TF: variants seen among roughly 807,000 people sequenced by gnomAD.
TF encodes the protein transferrin.
A neutral mutation model predicts 82.4 loss-of-function variants in TF; 55 were observed. The observed-to-expected ratio is 0.67, with a 90% CI of 0.54 to 0.84. TF has a LOEUF of 0.84. Ranked by LOEUF, TF falls within the 40% of genes least tolerant of loss-of-function variation. The probability of loss-of-function intolerance (pLI) is 0.00; values close to 1 mark genes in which losing one functional copy is unlikely to be tolerated. For synonymous variants in TF, 332 were observed against 332.6 expected, an observed-to-expected ratio of 1.00 and a Z score of 0.02; for missense variants, 737 against 868.4, an observed-to-expected ratio of 0.85 and a Z score of 1.90.
At chr3:133,739,242 T>C in the TF span, among the ~76,000 whole-genome samples, 2 of 152,176 alleles carry the variant, frequency 1.3e-5, no homozygotes, top group African/African-American at 4.8e-5. Flanking sequence ...TAAATGGTGC[T>C]AGGAAAACAG....
the TF span, chr3:133,694,337 G>A: frequency 3.9e-5 from 6 of 152,996 alleles, no homozygotes; most frequent in East Asian, 5.8e-4. Flanking sequence ...CCCAAGAATC[G>A]TACTTTGGCT....
rs868292410 is a variant in TF, at chr3:133,748,440, T to C, written c.72T>C (p.Thr24=). 4 of 1,614,078 alleles carry C rather than the reference T, an allele frequency of 2.5e-6. No homozygotes were observed. The highest frequency in any genetic ancestry group is 1.7e-4 in the Middle Eastern group (1 of 6,054). ...LGLCLAVPDK[T]VRWCAVSEHE... ...TGTGTCTGGCTGTCCCTGATAAAAC[T>C]GTGAGATGGTGTGCAGTGTCGGAGC... is the stretch of plus-strand genomic sequence containing the variant. Residue 24 remains threonine (T), a synonymous_variant, in exon 2 of 17, where the codon ACT becomes ACC. Transcript: ENST00000402696.
At chr3:133,684,369 A>T in the TF span, among the ~76,000 whole-genome samples, 2 of 152,206 alleles carry the variant, frequency 1.3e-5, no homozygotes, top group African/African-American at 4.8e-5. Flanking sequence ...GAACTGAAGG[A>T]GATAGAGACA....
the TF span, among the ~76,000 whole-genome samples, chr3:133,668,727 T>C: frequency 6.6e-6 from 1 of 152,146 alleles, no homozygotes; most frequent in African/African-American, 2.4e-5. Context: ...GTTCATTGCA[T>C]GAAGGCATTC....
chr3:133,775,854 G>A lies in TF; in HGVS notation c.1872+237G>A, dbSNP rs544383679. Among the ~76,000 whole-genome samples, 13 of 152,280 alleles carry A rather than the reference G, an allele frequency of 8.5e-5. No individual in the cohort carries two copies. In the East Asian group the frequency reaches 2.5e-3, roughly 29 times the overall value. ...TGTTACATAACCTCTCTATGCCTCA[G>A]CTTCCTCATATATAAAATTGTAATA... On this transcript the variant is annotated intron_variant, in intron 15 of 16. Transcript: ENST00000402696.
chr3:133,744,901 A>C (rs1933461231), upstream of TF, among the ~76,000 whole-genome samples: 1 of 152,218 alleles, frequency 6.6e-6, no homozygotes, highest in African/African-American at 2.4e-5. Flanking sequence ...CTCCCACCTG[A>C]GTCTGCAGTC....
chr3:133,722,703 C>T, the TF span, among the ~76,000 whole-genome samples: 1 of 152,130 alleles, frequency 6.6e-6, no homozygotes, highest in Non-Finnish European at 1.5e-5. Context: ...TTTTTGTTGC[C>T]CTAATTTACT....
the TF span, among the ~76,000 whole-genome samples, chr3:133,671,279 C>T: frequency 1.3e-5 from 2 of 152,040 alleles, no homozygotes; most frequent in South Asian, 2.1e-4. Flanking sequence ...GGATATTGGC[C>T]CACCTGGATA....
intron 4 of TF, 116 bp from the exon 5 acceptor site, chr3:133,755,246 GC>G: frequency 7.6e-7 from 1 of 1,319,380 alleles, no homozygotes; most frequent in Non-Finnish European, 1.1e-6. Context: ...AGCTGGGGCT[GC>G]ATGTGCTGGT....
the TF span, among the ~76,000 whole-genome samples, chr3:133,724,927 G>T: frequency 1.2e-3 from 185 of 152,206 alleles, no homozygotes; most frequent in Non-Finnish European, 2.4e-3. Context: ...TTTCCCCATT[G>T]CTTGTTTTTC....
chr3:133,710,819 C>A, the TF span, among the ~76,000 whole-genome samples: 6 of 152,224 alleles, frequency 3.9e-5, no homozygotes, highest in Admixed American at 2.6e-4. Context: ...TCCTGCAGCT[C>A]CTGCCTTCCT....
At chr3:133,732,182 T>C in the TF span, among the ~76,000 whole-genome samples, 1 of 152,146 alleles carries the variant, frequency 6.6e-6, no homozygotes, top group Non-Finnish European at 1.5e-5. Flanking sequence ...TTTACAGTAA[T>C]TACTAATTTA....
chr3:133,733,756 A>G, the TF span, among the ~76,000 whole-genome samples: 1 of 152,086 alleles, frequency 6.6e-6, no homozygotes, highest in East Asian at 1.9e-4. Flanking sequence ...ACACAATCCT[A>G]TCTGCCCTTC....
At chr3:133,708,161 C>T in the TF span, among the ~76,000 whole-genome samples, 1 of 151,924 alleles carries the variant, frequency 6.6e-6, no homozygotes, top group African/African-American at 2.4e-5. Context: ...AATAAAAATA[C>T]CTACTAGTAT....
intron 12 of TF, among the ~76,000 whole-genome samples, chr3:133,767,543 C>T (rs1042538479): frequency 9.9e-5 from 15 of 152,228 alleles, no homozygotes; most frequent in African/African-American, 3.6e-4. Flanking sequence ...GGCACTACCT[C>T]TGCCCTCCTG....
chr3:133,725,866 AG>A, the TF span, among the ~76,000 whole-genome samples: 1 of 152,184 alleles, frequency 6.6e-6, no homozygotes, highest in African/African-American at 2.4e-5. Flanking sequence ...TTTAGCATGA[AG>A]GGTTGTTGAA....
the TF span, among the ~76,000 whole-genome samples, chr3:133,728,114 A>C: frequency 1.5e-4 from 23 of 152,280 alleles, no homozygotes; most frequent in African/African-American, 5.5e-4. Flanking sequence ...ACTTTGGTGA[A>C]TCTGACAATT....
intron 9 of TF, 55 bp downstream of exon 9, chr3:133,759,384 C>T: frequency 1.2e-6 from 2 of 1,603,554 alleles, no homozygotes; most frequent in South Asian, 1.1e-5. Flanking sequence ...GCCTGCTGGC[C>T]CCCAAGACTG....
chr3:133,706,552 G>T, the TF span, among the ~76,000 whole-genome samples: 1 of 152,132 alleles, frequency 6.6e-6, no homozygotes, highest in African/African-American at 2.4e-5. Context: ...CTAGATCTGA[G>T]TCAGAAGCTC....
Sources: gnomAD v4.1 joint callset for allele counts (sites outside exome capture counted in the v4.1 genomes callset) on GRCh38, gnomAD v4.1.1 for gene constraint, MANE v1.5 for transcripts, NCBI Gene and HGNC (gene_info 2026-07-23, HGNC 2026-07-21) for gene names.